PEX3: variants seen among roughly 807,000 people sequenced by gnomAD.
PEX3 encodes the protein peroxisomal biogenesis factor 3.
Under a neutral mutation model 55.8 loss-of-function variants are expected in PEX3, and 30 were observed. That is an observed-to-expected ratio of 0.54 (90% confidence interval 0.40 to 0.73). The LOEUF is 0.73. Among genes scored for constraint, PEX3 ranks in the 30% least tolerant of loss-of-function variants. PEX3 has a pLI of 0.00. For missense variants in PEX3, 351 were observed against 432.8 expected (o/e 0.81, Z 1.68); for synonymous variants, 135 against 148.4 (o/e 0.91, Z 0.66).
Position 143,466,323 on chromosome 6 carries a change from C to T in PEX3, c.288-1799C>T, listed in dbSNP as rs74429496. 1.8e-3 allele frequency among the ~76,000 whole-genome samples: 281 copies of T among 152,156 alleles called. No individual in the cohort carries two copies. Among genetic ancestry groups the T allele is most frequent in the African/African-American group, 6.3e-3 (260 of 41,550 alleles). ...CATGAAGAAATCTCCCTTTGTCCAG[C>T]GGATCCATGCTGTAGATGCTATCTA... is the stretch of plus-strand genomic sequence containing the variant. On this transcript the variant is annotated intron_variant, in intron 3 of 11. Transcript: ENST00000367591. This position sits in a 1 kb window ranked among gnomAD's most constrained non-coding sequence, Gnocchi z 5.4.
Position 143,475,140 on chromosome 6 carries a change from C to A in PEX3, c.818+284C>A, listed in dbSNP as rs1562655851. Among the ~76,000 whole-genome samples the A allele has an allele frequency of 6.6e-6, 1 of 152,070 alleles. No individual in the cohort carries two copies. Among genetic ancestry groups the A allele is most frequent in the Non-Finnish European group, 1.5e-5 (1 of 68,006 alleles). On this transcript the variant is annotated intron_variant, in intron 9 of 11. Coordinates refer to ENST00000367591, the MANE Select transcript of PEX3 (RefSeq NM_003630.3). This position sits in a 1 kb window ranked among gnomAD's most constrained non-coding sequence, Gnocchi z 4.4. ...CACTTTTTTGTTATTCAGATTTCCA[C>A]CTCATCATTTCATGAAGCTCTGGAG...
rs1017748941 is a variant in PEX3, at chr6:143,453,779, C to T, written c.73+2664C>T. ...TTTTGTAGAGACAGGGGTCTCACTA[C>T]ATTGCTCAGACTGGTCTTGAACTCC... On this transcript the variant is annotated intron_variant, in intron 1 of 11. Coordinates refer to ENST00000367591, the MANE Select transcript of PEX3 (RefSeq NM_003630.3). This position sits in a 1 kb window ranked among gnomAD's most constrained non-coding sequence, Gnocchi z 4.6. 1.3e-5 allele frequency among the ~76,000 whole-genome samples: 2 copies of T among 152,106 alleles called. No homozygotes were observed. Among genetic ancestry groups the T allele is most frequent in the Non-Finnish European group, 1.5e-5 (1 of 68,026 alleles).
chr6:143,468,772 A>G lies in PEX3; in HGVS notation c.331+607A>G, dbSNP rs562571665. On this transcript the variant is annotated intron_variant, in intron 4 of 11. Transcript: ENST00000367591. ...GGTGTGCTGCACCCATTAACTCGTC[A>G]TTTACATTAGGTATATCTCCTAATG... Among the ~76,000 whole-genome samples, 533 of 140,252 alleles carry G rather than the reference A, an allele frequency of 3.8e-3. 3 individuals carry two copies. Among genetic ancestry groups the G allele is most frequent in the African/African-American group, 0.013 (522 of 38,772 alleles). 92.0% of individuals were successfully genotyped at this position (140,252 alleles called of 152,430 possible).
At chr6:143,481,102 G>A (rs1291138785) in intron 10 of PEX3, among the ~76,000 whole-genome samples, 1 of 147,564 alleles carries the variant, frequency 6.8e-6, no homozygotes, top group African/African-American at 2.5e-5. Flanking sequence ...CCAGACCTCT[G>A]AAGAGAATCA....
chr6:143,456,257 C>T (rs2128745263), intron 1 of PEX3, among the ~76,000 whole-genome samples: 1 of 152,290 alleles, frequency 6.6e-6, no homozygotes, highest in South Asian at 2.1e-4. Context: ...CTCCTGTTTT[C>T]CAGGCTAGGC....
rs147993827 is a variant in PEX3 at position 143,463,533 on chromosome 6, G to GTATA, written c.287+538_287+541dup. ...AAAGCACTTTCACATATGTAACCTT[G>GTATA]TATATTGCATGTAGCATGTGTTGGG... On this transcript the variant is annotated intron_variant, in intron 3 of 11. Transcript: ENST00000367591. This position sits in a 1 kb window ranked among gnomAD's most constrained non-coding sequence, Gnocchi z 5.7. Among the ~76,000 whole-genome samples, 7,373 of 151,894 alleles carry GTATA rather than the reference G, an allele frequency of 0.049. 583 individuals are homozygous for GTATA. Among genetic ancestry groups the GTATA allele is most frequent in the African/African-American group, 0.17 (6,916 of 41,414 alleles).
Position 143,482,479 on chromosome 6 carries a change from T to C in PEX3, c.942-2673T>C, listed in dbSNP as rs913479569. Among the ~76,000 whole-genome samples the C allele has an allele frequency of 1.3e-5, 2 of 151,962 alleles. No individual in the cohort carries two copies. Among genetic ancestry groups the C allele is most frequent in the African/African-American group, 4.8e-5 (2 of 41,410 alleles). ...TAATCAAAATATTATCAAAATTCTA[T>C]TGGAGATTGGAGGATGGTTGATTTT... On this transcript the variant is annotated intron_variant, in intron 10 of 11. Transcript: ENST00000367591. This position sits in a 1 kb window ranked among gnomAD's most constrained non-coding sequence, Gnocchi z 5.5.
chr6:143,471,685 AAACC>A lies in PEX3; in HGVS notation c.578+76_578+79del. 1 of 1,048,678 alleles carries A rather than the reference AAACC, an allele frequency of 9.5e-7. No individual in the cohort carries two copies. Among genetic ancestry groups the A allele is most frequent in the South Asian group, 1.3e-5 (1 of 79,374 alleles). 65.0% of individuals were successfully genotyped at this position (1,048,678 alleles called of 1,614,324 possible). On this transcript the variant is annotated intron_variant, in intron 7 of 11. Transcript: ENST00000367591. This position sits in a 1 kb window ranked among gnomAD's most constrained non-coding sequence, Gnocchi z 5.4. ...AAAGAAAATTAGAATTGTTCTAGTG[AAACC>A]AGTGACTTGACAAACGGTGATTTGT...
intron 8 of PEX3, among the ~76,000 whole-genome samples, chr6:143,473,238 G>A (rs1230148526): frequency 1.3e-5 from 2 of 151,972 alleles, no homozygotes; most frequent in African/African-American, 4.8e-5. Context: ...CTACATTCAT[G>A]AGTAGGCCAA....
At position 143,462,897 on chromosome 6, in the gene PEX3, T is replaced by G; in HGVS notation, c.206-19T>G. On this transcript the variant is annotated intron_variant, in intron 2 of 11. Coordinates refer to ENST00000367591, the MANE Select transcript of PEX3 (RefSeq NM_003630.3). This position sits in a 1 kb window ranked among gnomAD's most constrained non-coding sequence, Gnocchi z 4.1. ...CATATCACTTGTGACCTTTTTTATTTTTTTTGTTTGTATTACAGTGCTGTC... is the reference window on the plus strand; with the variant it reads ...CATATCACTTGTGACCTTTTTTATTGTTTTTGTTTGTATTACAGTGCTGTC... 6.2e-7 allele frequency: 1 copy of G among 1,601,806 alleles called. No individual in the cohort carries two copies. The highest frequency in any genetic ancestry group is 8.6e-7 in the Non-Finnish European group (1 of 1,168,858).
rs910007729 is a variant in PEX3 at position 143,462,872 on chromosome 6, C to G, written c.206-44C>G. 1.3e-5 allele frequency: 18 copies of G among 1,410,958 alleles called. No individual in the cohort carries two copies. Among genetic ancestry groups the G allele is most frequent in the Non-Finnish European group, 1.6e-5 (16 of 1,002,122 alleles). The allele number at this position is 1,410,958 out of a possible 1,614,324, so 87.4% of individuals were successfully genotyped here. A position where few individuals can be genotyped will look rare whatever the true frequency, so the allele number is the denominator to read the frequency against. Reference sequence around the variant, plus strand: ...ATGCGCATTTCTTAGTGAGGGCAGTCATATCACTTGTGACCTTTTTTATTT... The same window carrying G: ...ATGCGCATTTCTTAGTGAGGGCAGTGATATCACTTGTGACCTTTTTTATTT... On this transcript the variant is annotated intron_variant, in intron 2 of 11. Coordinates refer to ENST00000367591, the MANE Select transcript of PEX3 (RefSeq NM_003630.3). This position sits in a 1 kb window ranked among gnomAD's most constrained non-coding sequence, Gnocchi z 4.1.
chr6:143,469,775 G>T (rs1296982188), intron 4 of PEX3, among the ~76,000 whole-genome samples: 1 of 152,166 alleles, frequency 6.6e-6, no homozygotes, highest in Admixed American at 6.5e-5. Flanking sequence ...GAATGGTATT[G>T]CCTAGGTTTT....
rs769938240 is a variant in PEX3 at position 143,471,439 on chromosome 6, A to T, written c.513A>T (p.Leu171=). The T allele has an allele frequency of 6.9e-6, 11 of 1,600,780 alleles. No homozygotes were observed. The highest frequency in any genetic ancestry group is 7.7e-6 in the Non-Finnish European group (9 of 1,168,402). Reference sequence around the variant, plus strand: ...AGTATTTATCAAGTATTCAGCACCTACTTGGAGATGGTAAGATTCTTATTT... The same window carrying T: ...AGTATTTATCAAGTATTCAGCACCTTCTTGGAGATGGTAAGATTCTTATTT... ...QQQYLSSIQH[L]LGDGLTELIT... The change falls in exon 6 of 12, where the codon CTA becomes CTT. Residue 171 remains leucine (L), a synonymous_variant. Transcript: ENST00000367591. The surrounding 1 kb of genome is among the most constrained non-coding windows in gnomAD (Gnocchi z 5.4).
chr6:143,484,744 G>A (rs558180315), intron 10 of PEX3, among the ~76,000 whole-genome samples: 5 of 152,048 alleles, frequency 3.3e-5, no homozygotes, highest in African/African-American at 1.2e-4. Context: ...AGAAAATTTA[G>A]GCAAAAACTG....
chr6:143,468,295 A>T (rs1340796371), intron 4 of PEX3, 130 bp downstream of exon 4: 6 of 645,664 alleles, frequency 9.3e-6, no homozygotes, highest in Non-Finnish European at 1.4e-5. Context: ...AATATAGTAC[A>T]GGTAAAGCAA....
intron 1 of PEX3, among the ~76,000 whole-genome samples, chr6:143,456,561 A>C (rs1187445676): frequency 1.3e-5 from 2 of 152,182 alleles, no homozygotes; most frequent in Admixed American, 1.3e-4. Context: ...CCTTCTGCAG[A>C]GTGTAAGGGA....
intron 3 of PEX3, among the ~76,000 whole-genome samples, chr6:143,467,159 C>T (rs887642382): frequency 6.6e-6 from 1 of 151,888 alleles, no homozygotes; most frequent in Non-Finnish European, 1.5e-5. Context: ...TACACTGAGA[C>T]TGTTGTGTAT....
intron 9 of PEX3, among the ~76,000 whole-genome samples, chr6:143,478,771 G>A (rs965900232): frequency 1.3e-5 from 2 of 151,934 alleles, no homozygotes; most frequent in African/African-American, 2.4e-5. Context: ...ACTAATCTAT[G>A]ACTATAAGGA....
rs1780347308 is a variant in PEX3 at position 143,488,495 on chromosome 6, A to G, written c.1039-648A>G. ...TTCTGATAACTTCCACAACTGTCAT[A>G]TGACATGAAAATGCCTATGATTTCT... On this transcript the variant is annotated intron_variant, in intron 11 of 11. Transcript: ENST00000367591. The surrounding 1 kb of genome is among the most constrained non-coding windows in gnomAD (Gnocchi z 4.9). Among the ~76,000 whole-genome samples, 1 of 152,136 alleles carries G rather than the reference A, an allele frequency of 6.6e-6. No individual in the cohort carries two copies. The highest frequency in any genetic ancestry group is 2.1e-4 in the South Asian group (1 of 4,836).
Sources: gnomAD v4.1 joint callset for allele counts (sites outside exome capture counted in the v4.1 genomes callset) on GRCh38, gnomAD v4.1.1 for gene constraint, Gnocchi (gnomAD v3.1) non-coding constraint, MANE v1.5 for transcripts, NCBI Gene and HGNC (gene_info 2026-07-23, HGNC 2026-07-21) for gene names.